The following GPR149 variants were observed in gnomAD, a reference collection of about 807,000 sequenced individuals.
GPR149 encodes the protein probable G protein-coupled receptor 149.
In GPR149, 50 loss-of-function variants were observed where a neutral mutation model predicts 50.2. The observed-to-expected ratio is 1.00, with a 90% CI of 0.79 to 1.26. GPR149 has a LOEUF of 1.26. GPR149 is among the 50% of genes most tolerant of loss of function. The probability of loss-of-function intolerance (pLI) is 0.00; values close to 1 mark genes in which losing one functional copy is unlikely to be tolerated. For missense variants in GPR149, 983 were observed against 895.4 expected, an observed-to-expected ratio of 1.10 and a Z score of -1.25; for synonymous variants, 405 against 358.2, an observed-to-expected ratio of 1.13 and a Z score of -1.48.
At position 154,358,514 on chromosome 3, in the gene GPR149, T is replaced by C. The variant is rs540860667; in HGVS notation, c.1624-20243A>G. Among the ~76,000 whole-genome samples the C allele has an allele frequency of 6.6e-5, 10 of 152,188 alleles. No homozygotes were observed. In the East Asian group the frequency reaches 1.9e-3, roughly 29 times the overall value. ...CAAAGAAATTACAGATCCAAGATAC[T>C]TGAAAAGAAACTTTATTTATCAATA... On this transcript the variant is annotated intron_variant, in intron 3 of 3. Transcript: ENST00000389740.
Position 154,429,419 on chromosome 3 carries a change from ACAGTT to A in GPR149, c.192_196del (p.Arg64SerfsTer13). ...CCAGGAAGCCACAAGCATGGACACA[ACAGTT>A]CTGTTCTGCATTTTCAGCAGGGAAA... On this transcript the variant is annotated frameshift_variant, in exon 1 of 4. Transcript: ENST00000389740. LOFTEE classifies it high-confidence loss of function. 1 of 1,614,188 alleles carries A rather than the reference ACAGTT, an allele frequency of 6.2e-7. No homozygotes were observed.
At chr3:154,369,229 CCTTAAAAAAGAAGCGG>C (rs1714606260) in intron 3 of GPR149, among the ~76,000 whole-genome samples, 1 of 152,118 alleles carries the variant, frequency 6.6e-6, no homozygotes, top group African/African-American at 2.4e-5. Flanking sequence ...GACCCTGAAA[CCTTAAAAAAGAAGCGG>C]CTGATTTTCT....
At chr3:154,418,856 CA>C (rs961713166) in intron 3 of GPR149, among the ~76,000 whole-genome samples, 9 of 149,578 alleles carry the variant, frequency 6.0e-5, no homozygotes, top group East Asian at 2.0e-4. Context: ...CTTTGACTTT[CA>C]AAAAAAAAGA....
chr3:154,417,474 AG>A, intron 3 of GPR149, among the ~76,000 whole-genome samples: 1 of 152,208 alleles, frequency 6.6e-6, no homozygotes, highest in African/African-American at 2.4e-5. Context: ...ATTAAAAAAA[AG>A]CATATTGTAG....
intron 3 of GPR149, among the ~76,000 whole-genome samples, chr3:154,408,633 T>C (rs564983588): frequency 7.2e-5 from 11 of 152,234 alleles, no homozygotes; most frequent in African/African-American, 1.7e-4. Flanking sequence ...TATAACTCCA[T>C]TGGACAGGGA....
At chr3:154,358,767 T>C (rs972875621) in intron 3 of GPR149, among the ~76,000 whole-genome samples, 4 of 152,158 alleles carry the variant, frequency 2.6e-5, no homozygotes, top group Admixed American at 2.6e-4. Context: ...CCTCTTTCAA[T>C]AGGAAACACT....
intron 2 of GPR149, among the ~76,000 whole-genome samples, chr3:154,426,309 TAA>T (rs1712292229): frequency 6.6e-6 from 1 of 152,200 alleles, no homozygotes; most frequent in African/African-American, 2.4e-5. Context: ...TTCTAAATAT[TAA>T]ATGCCATCAC....
chr3:154,427,696 C>A lies in GPR149; in HGVS notation c.994G>T (p.Val332Phe), dbSNP rs754126064. Residue 332 changes from valine to phenylalanine, a missense_variant, in exon 2 of 4, where the codon GTC becomes TTC. Physicochemically the swap from Val to Phe is conservative, Grantham distance 50. Coordinates refer to ENST00000389740, the MANE Select transcript of GPR149 (RefSeq NM_001038705.3). The part of the protein sequence containing the change: ...LWLPMMMHMV[V>F]QNVVGFQSLP... ...CTCTGAAACCCCACGACGTTCTGGA[C>A]CACCATGTGCATCTGCAAGGGCAAG... The A allele has an allele frequency of 5.0e-6, 8 of 1,611,524 alleles. No individual in the cohort carries two copies. The highest frequency in any genetic ancestry group is 6.8e-6 in the Non-Finnish European group (8 of 1,178,882).
chr3:154,415,593 G>A (rs975676639), intron 3 of GPR149, among the ~76,000 whole-genome samples: 2 of 151,858 alleles, frequency 1.3e-5, no homozygotes, highest in African/African-American at 4.8e-5. Flanking sequence ...CAGAGCGCAT[G>A]CAGTACATGC....
intron 3 of GPR149, among the ~76,000 whole-genome samples, chr3:154,343,629 G>A (rs1482136241): frequency 6.6e-6 from 1 of 152,152 alleles, no homozygotes; most frequent in Non-Finnish European, 1.5e-5. Context: ...TGACTAGAAT[G>A]AGAGTCTCAA....
At chr3:154,407,681 A>C (rs572890404) in intron 3 of GPR149, among the ~76,000 whole-genome samples, 6 of 62,070 alleles carry the variant, frequency 9.7e-5, no homozygotes, top group African/African-American at 4.2e-4. Context: ...ATGTGTGTAT[A>C]TGTCATGTGT....
At chr3:154,361,819 C>CT (rs928608696) in intron 3 of GPR149, among the ~76,000 whole-genome samples, 21 of 152,260 alleles carry the variant, frequency 1.4e-4, no homozygotes, top group African/African-American at 4.3e-4. Flanking sequence ...GTCCAGACCT[C>CT]TAATCTTTAT....
At chr3:154,347,642 GACAA>G (rs1280004136) in intron 3 of GPR149, among the ~76,000 whole-genome samples, 1 of 152,186 alleles carries the variant, frequency 6.6e-6, no homozygotes, top group African/African-American at 2.4e-5. Flanking sequence ...ACATTTTACA[GACAA>G]ACAAATTTAT....
At position 154,362,117 on chromosome 3, in the gene GPR149, G is replaced by A. The variant is rs551650976; in HGVS notation, c.1624-23846C>T. On this transcript the variant is annotated intron_variant, in intron 3 of 3. Transcript: ENST00000389740. ...ATCCTGGCTAACATGGTGAAACCCCGTCTCTACTAAAAATACAAAAAATTA... is the reference window on the plus strand; with the variant it reads ...ATCCTGGCTAACATGGTGAAACCCCATCTCTACTAAAAATACAAAAAATTA... Among the ~76,000 whole-genome samples, 5 of 151,918 alleles carry A rather than the reference G, an allele frequency of 3.3e-5. No individual in the cohort carries two copies. In the South Asian group the frequency reaches 8.3e-4, roughly 25 times the overall value.
intron 3 of GPR149, among the ~76,000 whole-genome samples, chr3:154,349,049 G>A (rs1714002093): frequency 1.3e-5 from 2 of 151,356 alleles, no homozygotes; most frequent in South Asian, 4.2e-4. Context: ...TAGTCTTGAG[G>A]GAAATAAAAA....
At chr3:154,375,831 C>A (rs1714781687) in intron 3 of GPR149, among the ~76,000 whole-genome samples, 1 of 152,134 alleles carries the variant, frequency 6.6e-6, no homozygotes, top group Non-Finnish European at 1.5e-5. Flanking sequence ...ATCATCCAAT[C>A]CACTGAGGGC....
intron 3 of GPR149, among the ~76,000 whole-genome samples, chr3:154,395,239 C>A (rs113700221): frequency 6.6e-6 from 1 of 151,906 alleles, no homozygotes; most frequent in Non-Finnish European, 1.5e-5. Context: ...AGAATGTGAG[C>A]AGCAAGTTAA....
chr3:154,359,030 T>A (rs1714319028), intron 3 of GPR149, among the ~76,000 whole-genome samples: 1 of 152,168 alleles, frequency 6.6e-6, no homozygotes, highest in Non-Finnish European at 1.5e-5. Flanking sequence ...ACTTTAATAA[T>A]TTTAACCCTT....
chr3:154,425,309 G>T (rs1712262689), intron 2 of GPR149, among the ~76,000 whole-genome samples: 1 of 151,926 alleles, frequency 6.6e-6, no homozygotes, highest in African/African-American at 2.4e-5. Flanking sequence ...TTCACTGACT[G>T]ATAAAGGATG....
Sources: allele counts gnomAD v4.1 joint callset (sites outside exome capture counted in the v4.1 genomes callset), GRCh38; gene constraint gnomAD v4.1.1; transcripts MANE v1.5; gene names NCBI Gene and HGNC (gene_info 2026-07-23, HGNC 2026-07-21).